CSMD1: variants seen among roughly 807,000 people sequenced by gnomAD.
CSMD1 encodes the protein CUB and Sushi multiple domains 1.
A neutral mutation model predicts 417.5 loss-of-function variants in CSMD1; 213 were observed. That is an observed-to-expected ratio of 0.51 (90% CI 0.46 to 0.57). The LOEUF (loss-of-function observed/expected upper bound fraction) is 0.57, where lower values mean the gene tolerates loss of function less well. Among genes scored for constraint, CSMD1 ranks in the 20% least tolerant of loss-of-function variants. The pLI is 0.00. For synonymous variants in CSMD1, 2,862 were observed against 1,736.8 expected, an observed-to-expected ratio of 1.65 and a Z score of -16.11; for missense variants, 6,923 against 4,529.7, an observed-to-expected ratio of 1.53 and a Z score of -15.17.
At chr8:3,144,763 G>C (rs542723825) in intron 40 of CSMD1, among the ~76,000 whole-genome samples, 73 of 132,178 alleles carry the variant, frequency 5.5e-4, no homozygotes, top group Middle Eastern at 9.6e-3. Flanking sequence ...GAGAAAAAAA[G>C]AAAGAAAAAA....
chr8:4,244,956 T>A (rs1802615952), intron 3 of CSMD1, among the ~76,000 whole-genome samples: 1 of 152,086 alleles, frequency 6.6e-6, no homozygotes, highest in Non-Finnish European at 1.5e-5. Flanking sequence ...ACAAATAAAC[T>A]TTAAAATAAC....
intron 49 of CSMD1, among the ~76,000 whole-genome samples, chr8:3,060,200 C>G (rs1214541923): frequency 6.8e-6 from 1 of 147,320 alleles, no homozygotes; most frequent in Non-Finnish European, 1.5e-5. Context: ...GGCTGGAGTG[C>G]AGTGGTGTGA....
intron 5 of CSMD1, among the ~76,000 whole-genome samples, chr8:3,925,726 G>A (rs1223314396): frequency 6.6e-6 from 1 of 152,004 alleles, no homozygotes; most frequent in African/African-American, 2.4e-5. Flanking sequence ...CTCCCGCCAT[G>A]ATTCTGAGGC....
chr8:3,724,971 A>G (rs1398849651), intron 6 of CSMD1, among the ~76,000 whole-genome samples: 1 of 152,228 alleles, frequency 6.6e-6, no homozygotes, highest in African/African-American at 2.4e-5. Flanking sequence ...TTTCAACGCA[A>G]CTAGCTTTGT....
At chr8:3,469,860 G>C (rs1816985670) in intron 11 of CSMD1, among the ~76,000 whole-genome samples, 1 of 152,228 alleles carries the variant, frequency 6.6e-6, no homozygotes, top group African/African-American at 2.4e-5. Context: ...TGTGAATGCT[G>C]TGTGGTTAAC....
At chr8:3,354,745 T>C (rs1808628535) in intron 21 of CSMD1, among the ~76,000 whole-genome samples, 1 of 151,064 alleles carries the variant, frequency 6.6e-6, no homozygotes, top group African/African-American at 2.4e-5. Flanking sequence ...TAACCCAAAA[T>C]TAAATAACTA....
At chr8:4,096,096 CTGT>C (rs1197986523) in intron 3 of CSMD1, among the ~76,000 whole-genome samples, 1 of 152,008 alleles carries the variant, frequency 6.6e-6, no homozygotes, top group African/African-American at 2.4e-5. Flanking sequence ...TATCACAAGA[CTGT>C]TGTTGGATGG....
intron 3 of CSMD1, among the ~76,000 whole-genome samples, chr8:4,244,433 T>C (rs1036909798): frequency 3.3e-5 from 5 of 152,184 alleles, no homozygotes; most frequent in Non-Finnish European, 7.3e-5. Context: ...GGCCTGTATA[T>C]TTTTGTCAAA....
chr8:4,963,400 A>G (rs1809648487), intron 1 of CSMD1, among the ~76,000 whole-genome samples: 1 of 152,048 alleles, frequency 6.6e-6, no homozygotes, highest in African/African-American at 2.4e-5. Context: ...AGGTTTCACC[A>G]TGTTGACCAG....
intron 1 of CSMD1, among the ~76,000 whole-genome samples, chr8:4,954,265 T>C (rs1288818704): frequency 6.6e-6 from 1 of 152,198 alleles, no homozygotes; most frequent in Non-Finnish European, 1.5e-5. Flanking sequence ...AATTACGATA[T>C]GGTGTGATAA....
intron 3 of CSMD1, among the ~76,000 whole-genome samples, chr8:4,352,793 T>C (rs897648919): frequency 6.6e-6 from 1 of 152,258 alleles, no homozygotes; most frequent in Non-Finnish European, 1.5e-5. Context: ...AATGTGGACA[T>C]GGCTGTTGCC....
intron 5 of CSMD1, among the ~76,000 whole-genome samples, chr8:3,955,163 T>A (rs1195727253): frequency 6.6e-6 from 1 of 152,144 alleles, no homozygotes; most frequent in Non-Finnish European, 1.5e-5. Context: ...GCACTGACTG[T>A]CCTCCTGTCC....
At chr8:4,699,578 C>T (rs1295186832) in intron 1 of CSMD1, among the ~76,000 whole-genome samples, 1 of 151,892 alleles carries the variant, frequency 6.6e-6, no homozygotes, top group Non-Finnish European at 1.5e-5. Context: ...TCTAATTTAA[C>T]CAATAAGAAT....
chr8:3,275,722 G>T (rs887810251), intron 26 of CSMD1, among the ~76,000 whole-genome samples: 1 of 151,926 alleles, frequency 6.6e-6, no homozygotes, highest in African/African-American at 2.4e-5. Context: ...TGATCGCATC[G>T]GCTCCTGAGG....
intron 1 of CSMD1, among the ~76,000 whole-genome samples, chr8:4,959,579 C>T (rs569111892): frequency 2.0e-5 from 3 of 152,224 alleles, no homozygotes; most frequent in African/African-American, 7.2e-5. Context: ...CACCCGATAC[C>T]TATCTAACTG....
intron 50 of CSMD1, among the ~76,000 whole-genome samples, chr8:3,032,126 T>C (rs1026719871): frequency 4.0e-5 from 6 of 151,880 alleles, no homozygotes; most frequent in African/African-American, 1.5e-4. Flanking sequence ...AGGACTGCAA[T>C]AAATATTAAT....
At chr8:3,892,461 C>T (rs747874739) in intron 5 of CSMD1, among the ~76,000 whole-genome samples, 8 of 152,114 alleles carry the variant, frequency 5.3e-5, no homozygotes, top group Non-Finnish European at 7.4e-5. Context: ...CTCATTCATT[C>T]AGGCCCCAAC....
At chr8:3,470,428 T>A (rs1817020274) in intron 11 of CSMD1, among the ~76,000 whole-genome samples, 1 of 152,236 alleles carries the variant, frequency 6.6e-6, no homozygotes, top group Admixed American at 6.5e-5. Flanking sequence ...ATTATTTACC[T>A]AGTTTCCCCG....
At chr8:3,918,046 T>C (rs1270477564) in intron 5 of CSMD1, among the ~76,000 whole-genome samples, 1 of 152,080 alleles carries the variant, frequency 6.6e-6, no homozygotes, top group African/African-American at 2.4e-5. Context: ...TTTTAAGGGG[T>C]GAGTAATATT....
Sources: gnomAD v4.1 joint callset for allele counts (sites outside exome capture counted in the v4.1 genomes callset) on GRCh38, gnomAD v4.1.1 for gene constraint, MANE v1.5 for transcripts, NCBI Gene and HGNC (gene_info 2026-07-23, HGNC 2026-07-21) for gene names.